PHLDB3: variants seen among roughly 807,000 people sequenced by gnomAD.
PHLDB3 encodes pleckstrin homology like domain family B member 3.
PHLDB3 carries 86 observed loss-of-function variants against 85.7 expected under a neutral mutation model. The observed-to-expected ratio is 1.00, with a 90% CI of 0.84 to 1.20. PHLDB3 has a LOEUF of 1.20. PHLDB3 is among the 50% of genes most tolerant of loss of function. The probability of loss-of-function intolerance (pLI) is 0.00; values close to 1 mark genes in which losing one functional copy is unlikely to be tolerated. For synonymous variants in PHLDB3, 376 were observed against 349.8 expected (o/e 1.07, Z -0.83); for missense variants, 995 against 873.0 (o/e 1.14, Z -1.76).
intron 8 of PHLDB3, 65 bp downstream of exon 8, chr19:43,495,191 G>A: frequency 1.3e-6 from 2 of 1,488,114 alleles, no homozygotes; most frequent in Non-Finnish European, 1.9e-6. Context: ...GAGGGAGGAG[G>A]GGCTGGGGAC....
intron 13 of PHLDB3, among the ~76,000 whole-genome samples, chr19:43,485,315 C>T (rs1201108384): frequency 1.3e-5 from 2 of 151,288 alleles, no homozygotes; most frequent in African/African-American, 4.9e-5. Flanking sequence ...CAGGTTCAAG[C>T]AATTCTCTGC....
intron 4 of PHLDB3, among the ~76,000 whole-genome samples, chr19:43,498,974 CG>C (rs1276371754): frequency 6.6e-6 from 1 of 151,884 alleles, no homozygotes; most frequent in African/African-American, 2.4e-5. Flanking sequence ...GTCCAGCTCA[CG>C]GGGGGTTTGG....
chr19:43,504,011 C>T lies in PHLDB3; in HGVS notation c.108G>A (p.Glu36=). Residue 36 remains glutamate, a synonymous_variant, in exon 2 of 16, where the codon GAG becomes GAA. Coordinates refer to ENST00000292140, the MANE Select transcript of PHLDB3 (RefSeq NM_198850.4). The part of the protein sequence containing the change: ...QGHPEESREQ[E]ASEVLAEPSS... ...AAGGTTCCGCCAGGACTTCGGATGCCTCCTGTTCCCGGGACTCCTCGGGAT... is the reference window on the plus strand; with the variant it reads ...AAGGTTCCGCCAGGACTTCGGATGCTTCCTGTTCCCGGGACTCCTCGGGAT... 2.5e-6 allele frequency: 4 copies of T among 1,613,936 alleles called. No homozygotes were observed. The highest frequency in any genetic ancestry group is 2.7e-5 in the African/African-American group (2 of 75,056).
At chr19:43,495,650 C>T (rs1253002356) in intron 6 of PHLDB3, 30 bp from the exon 7 acceptor site, 19 of 1,591,210 alleles carry the variant, frequency 1.2e-5, no homozygotes, top group Non-Finnish European at 1.6e-5. Flanking sequence ...GTCACGGCCC[C>T]AGCCAGCTCT....
intron 6 of PHLDB3, 30 bp downstream of exon 6, chr19:43,497,087 AG>A (rs997993394): frequency 7.8e-6 from 11 of 1,409,316 alleles, no homozygotes; most frequent in South Asian, 4.9e-5. Flanking sequence ...AGGAGCAGCA[AG>A]GGGGGCAGCG....
chr19:43,477,674 G>A lies in PHLDB3; in HGVS notation c.1788+373C>T, dbSNP rs187718155. Among the ~76,000 whole-genome samples, 253 of 150,812 alleles carry A rather than the reference G, an allele frequency of 1.7e-3. 5 individuals carry two copies. Among genetic ancestry groups the A allele is most frequent in the South Asian group, 8.6e-3 (41 of 4,792 alleles). On this transcript the variant is annotated intron_variant, in intron 15 of 15. Transcript: ENST00000292140. ...TACTAAAAATACAAAAATTAGCCGG[G>A]CACGGTGCCTGTAATCCCAGCTACT... is the stretch of plus-strand genomic sequence containing the variant.
chr19:43,500,913 C>CA (rs1555757799), intron 4 of PHLDB3, among the ~76,000 whole-genome samples: 1 of 104,220 alleles, frequency 9.6e-6, no homozygotes, highest in Non-Finnish European at 2.0e-5. Context: ...CCCCGTACCC[C>CA]CCCCCCACCC....
At chr19:43,479,061 TG>T in intron 14 of PHLDB3, among the ~76,000 whole-genome samples, 1 of 152,188 alleles carries the variant, frequency 6.6e-6, no homozygotes, top group South Asian at 2.1e-4. Flanking sequence ...TTCAGACTCA[TG>T]GGTGTCTTAG....
chr19:43,486,138 C>T (rs879604730), intron 13 of PHLDB3, 128 bp downstream of exon 13: 3 of 1,409,380 alleles, frequency 2.1e-6, no homozygotes, highest in Non-Finnish European at 2.8e-6. Context: ...TTCCCTTTCC[C>T]TTGCCAAGCC....
chr19:43,497,720 CAAAA>C (rs771628013), intron 5 of PHLDB3, 24 bp downstream of exon 5: 9 of 1,545,976 alleles, frequency 5.8e-6, no homozygotes, highest in Non-Finnish European at 7.9e-6. Flanking sequence ...TCAAAAAAAA[CAAAA>C]AAGAAAGAAC....
At position 43,495,333 on chromosome 19, in the gene PHLDB3, T is replaced by C. The variant is rs747594819; in HGVS notation, c.958A>G (p.Ser320Gly). 2.5e-6 allele frequency: 4 copies of C among 1,613,348 alleles called. 1 individual carries two copies. In the South Asian group the frequency reaches 4.4e-5, roughly 18 times the overall value. Residue 320 changes from serine (S) to glycine (G), a missense_variant, in exon 8 of 16, where the codon AGC becomes GGC. Transcript: ENST00000292140. ...AGGCAATTGAGCTCGAGCAGCCGGC[T>C]CCGTTCCTACCAGAAGATATGGACA... ...EALQALSQER[S>G]RLLELNCLQG...
chr19:43,479,631 CGG>C (rs1568472809), intron 13 of PHLDB3, 38 bp from the exon 14 acceptor site: 2 of 1,422,874 alleles, frequency 1.4e-6, no homozygotes, highest in South Asian at 2.5e-5. Flanking sequence ...ATGTAAGGGG[CGG>C]GGGATTCTAC....
intron 9 of PHLDB3, among the ~76,000 whole-genome samples, chr19:43,493,818 C>T (rs1037362814): frequency 1.3e-5 from 2 of 152,084 alleles, no homozygotes; most frequent in Non-Finnish European, 2.9e-5. Flanking sequence ...CTAATATACA[C>T]ATTTTTCAGA....
chr19:43,487,076 C>A lies in PHLDB3; in HGVS notation c.1197G>T (p.Gly399=). 1 of 1,578,422 alleles carries A rather than the reference C, an allele frequency of 6.3e-7. No individual in the cohort carries two copies. Among genetic ancestry groups the A allele is most frequent in the Non-Finnish European group, 8.6e-7 (1 of 1,162,306 alleles). The change falls in exon 10 of 16, where the codon GGG becomes GGT. Residue 399 remains glycine, a synonymous_variant. Coordinates refer to ENST00000292140, the MANE Select transcript of PHLDB3 (RefSeq NM_198850.4). ...QRTGSLPRKR[G]ERGSQRGSPR... is the part of the protein sequence containing the mutation. ...GGGATCCTCTCTGGCTCCCCCTCTCCCCCCTTTTCCGGGGCAGGCTCCCAG... is the reference window on the plus strand; with the variant it reads ...GGGATCCTCTCTGGCTCCCCCTCTCACCCCTTTTCCGGGGCAGGCTCCCAG...
chr19:43,497,640 AG>A, intron 5 of PHLDB3, 107 bp downstream of exon 5: 2 of 1,169,916 alleles, frequency 1.7e-6, no homozygotes, highest in Non-Finnish European at 2.4e-6. Flanking sequence ...TGAACCTGGG[AG>A]GCGGAGGTTG....
Position 43,487,237 on chromosome 19 carries a change from C to T in PHLDB3, c.1150-114G>A. On this transcript the variant is annotated intron_variant, in intron 9 of 15. Coordinates refer to ENST00000292140, the MANE Select transcript of PHLDB3 (RefSeq NM_198850.4). Reference sequence around the variant, plus strand: ...CAGCACAAATCAAAACACTACTGTCCATGTGCTGAGTGAAAGGACCTCACA... The same window carrying T: ...CAGCACAAATCAAAACACTACTGTCTATGTGCTGAGTGAAAGGACCTCACA... The T allele has an allele frequency of 4.8e-6, 4 of 837,294 alleles. No homozygotes were observed. In the South Asian group the frequency reaches 6.3e-5, roughly 13 times the overall value. The allele number at this position is 837,294 out of a possible 1,614,324, so 51.9% of individuals were successfully genotyped here.
At chr19:43,500,032 G>A (rs1348356373) in intron 4 of PHLDB3, among the ~76,000 whole-genome samples, 2 of 152,110 alleles carry the variant, frequency 1.3e-5, no homozygotes, top group African/African-American at 4.8e-5. Context: ...CTGAGGTCAG[G>A]AGTTCGAGAC....
chr19:43,497,642 G>GCGGAGGTTGCAGTGAGC, intron 5 of PHLDB3, 106 bp downstream of exon 5: 1 of 1,202,364 alleles, frequency 8.3e-7, no homozygotes, highest in South Asian at 1.5e-5. Flanking sequence ...AACCTGGGAG[G>GCGGAGGTTGCAGTGAGC]CGGAGGTTGC....
chr19:43,479,397 C>T lies in PHLDB3; in HGVS notation c.1682G>A (p.Arg561His), dbSNP rs372872716. The change falls in exon 14 of 16, where the codon CGC (arginine) becomes CAC (histidine). Residue 561 changes from arginine (R) to histidine (H), a missense_variant. Coordinates refer to ENST00000292140, the MANE Select transcript of PHLDB3 (RefSeq NM_198850.4). ...KRWFCFDRQA[R>H]RLAYYADKEE... ...CTTACCCGCATAGTAGGCCAAGCGGCGGGCTTGGCGGTCAAAGCAGAACCA... is the reference window on the plus strand; with the variant it reads ...CTTACCCGCATAGTAGGCCAAGCGGTGGGCTTGGCGGTCAAAGCAGAACCA... 1.8e-5 allele frequency: 28 copies of T among 1,562,026 alleles called. No individual in the cohort carries two copies. The highest frequency in any genetic ancestry group is 9.6e-5 in the East Asian group (4 of 41,534).
Sources: allele counts gnomAD v4.1 joint callset (sites outside exome capture counted in the v4.1 genomes callset), GRCh38; gene constraint gnomAD v4.1.1; transcripts MANE v1.5; gene names NCBI Gene and HGNC (gene_info 2026-07-23, HGNC 2026-07-21).